The following TMEM132E variants were observed in gnomAD, a reference collection of about 807,000 sequenced individuals.
TMEM132E encodes the protein transmembrane protein 132E.
In TMEM132E, 49 loss-of-function variants were observed where a neutral mutation model predicts 78.5. That is an observed-to-expected ratio of 0.62 (90% CI 0.50 to 0.79). The LOEUF (loss-of-function observed/expected upper bound fraction) is 0.79. TMEM132E is among the 30% of genes least tolerant of loss of function. TMEM132E has a pLI of 0.00. For missense variants in TMEM132E, 1,403 were observed against 1,470.9 expected (o/e 0.95, Z 0.75); for synonymous variants, 715 against 670.6 (o/e 1.07, Z -1.02).
intron 1 of TMEM132E, among the ~76,000 whole-genome samples, chr17:34,610,835 A>G (rs551420032): frequency 5.9e-5 from 9 of 151,958 alleles, no homozygotes; most frequent in African/African-American, 2.2e-4. Context: ...ATTAATGAAA[A>G]CTCCTGAAAA....
intron 1 of TMEM132E, among the ~76,000 whole-genome samples, chr17:34,595,103 A>T (rs751899961): frequency 6.6e-6 from 1 of 152,214 alleles, no homozygotes; most frequent in Non-Finnish European, 1.5e-5. Context: ...CACTGCCAAA[A>T]TCTGTGTGAA....
rs182812547 is a variant in TMEM132E at position 34,608,607 on chromosome 17, C to T, written c.68-17520C>T. ...CCTTCCAAGTGGGACTGTACACTTACCCCACGTTGGAGTCTGCAAAGAACT... is the reference window on the plus strand; with the variant it reads ...CCTTCCAAGTGGGACTGTACACTTATCCCACGTTGGAGTCTGCAAAGAACT... On this transcript the variant is annotated intron_variant, in intron 1 of 8. Coordinates refer to ENST00000631683, the MANE Select transcript of TMEM132E (RefSeq NM_001304438.2). Among the ~76,000 whole-genome samples the T allele has an allele frequency of 4.6e-3, 706 of 152,310 alleles. 5 individuals carry two copies. The highest frequency in any genetic ancestry group is 8.8e-3 in the Admixed American group (134 of 15,298).
chr17:34,599,578 C>G (rs1906167092), intron 1 of TMEM132E, among the ~76,000 whole-genome samples: 1 of 152,198 alleles, frequency 6.6e-6, no homozygotes, highest in Admixed American at 6.5e-5. Flanking sequence ...CAGGGAAAGG[C>G]AACACTTTTG....
chr17:34,587,291 C>G (rs752840984), intron 1 of TMEM132E, among the ~76,000 whole-genome samples: 1 of 152,142 alleles, frequency 6.6e-6, no homozygotes, highest in Non-Finnish European at 1.5e-5. Context: ...CTGGAGCTGG[C>G]CAACCCTTAA....
intron 1 of TMEM132E, among the ~76,000 whole-genome samples, chr17:34,609,282 G>A (rs1906515248): frequency 6.6e-6 from 1 of 152,170 alleles, no homozygotes; most frequent in Non-Finnish European, 1.5e-5. Flanking sequence ...CTCAGGAAGG[G>A]TGTGGAATGT....
Position 34,584,453 on chromosome 17 carries a change from G to A in TMEM132E, c.67+3310G>A, listed in dbSNP as rs957263028. 5.3e-5 allele frequency among the ~76,000 whole-genome samples: 8 copies of A among 152,202 alleles called. No homozygotes were observed. The East Asian group carries it at 1.5e-3, about 29-fold the overall frequency. On this transcript the variant is annotated intron_variant, in intron 1 of 8. Coordinates refer to ENST00000631683, the MANE Select transcript of TMEM132E (RefSeq NM_001304438.2). ...TTCCATGACTTCTTTGGTACTTCATGCTACTTTTCTAGCACTTTTTCCTCA... is the reference window on the plus strand; with the variant it reads ...TTCCATGACTTCTTTGGTACTTCATACTACTTTTCTAGCACTTTTTCCTCA...
In TMEM132E at chr17:34,628,718, G is replaced by A. The variant is rs749640493; in HGVS notation, c.1145+9G>A. The A allele has an allele frequency of 3.4e-5, 53 of 1,578,498 alleles. No homozygotes were observed. The South Asian group carries it at 3.5e-4, about 11-fold the overall frequency. On this transcript the variant is annotated intron_variant, in intron 3 of 8. Transcript: ENST00000631683. ...ACACCCCTGCCCCCCAGGTGAGCCC[G>A]AGGTGGTGCATCTACCCACCTCTTC...
intron 1 of TMEM132E, among the ~76,000 whole-genome samples, chr17:34,589,407 G>A (rs188099455): frequency 4.8e-4 from 73 of 152,302 alleles, no homozygotes; most frequent in Middle Eastern, 3.4e-3. Flanking sequence ...GCCACATGCC[G>A]GCTGTTCTCA....
At chr17:34,613,517 C>T (rs939879394) in intron 1 of TMEM132E, among the ~76,000 whole-genome samples, 4 of 151,472 alleles carry the variant, frequency 2.6e-5, no homozygotes, top group African/African-American at 7.3e-5. Context: ...AGTCCCTAAG[C>T]CCCCCACTGC....
chr17:34,613,224 C>CGCGCGCGCGCGCGCGT (rs1567716050), intron 1 of TMEM132E, among the ~76,000 whole-genome samples: 1 of 151,420 alleles, frequency 6.6e-6, no homozygotes, highest in East Asian at 2.0e-4. Context: ...CGCGCGCGCG[C>CGCGCGCGCGCGCGCGT]GCGTTCTTAC....
At chr17:34,592,453 G>T (rs1027571765) in intron 1 of TMEM132E, among the ~76,000 whole-genome samples, 6 of 152,220 alleles carry the variant, frequency 3.9e-5, no homozygotes, top group Non-Finnish European at 7.3e-5. Context: ...AGCAGGTCTA[G>T]GGTTATAGGG....
At chr17:34,628,262 T>TG (rs1470690515) in intron 2 of TMEM132E, among the ~76,000 whole-genome samples, 2 of 152,174 alleles carry the variant, frequency 1.3e-5, no homozygotes, top group Non-Finnish European at 2.9e-5. Context: ...GAAAATGGAA[T>TG]GGGATGTGTG....
chr17:34,597,305 C>T (rs1372569234), intron 1 of TMEM132E, among the ~76,000 whole-genome samples: 2 of 151,622 alleles, frequency 1.3e-5, no homozygotes, highest in African/African-American at 4.8e-5. Context: ...GGGCAGGGCT[C>T]CAGGGGCACT....
At chr17:34,618,344 C>T (rs1478510356) in intron 1 of TMEM132E, among the ~76,000 whole-genome samples, 1 of 151,918 alleles carries the variant, frequency 6.6e-6, no homozygotes, top group African/African-American at 2.4e-5. Context: ...CTCAAGTGAT[C>T]CTCCTGTCTC....
chr17:34,593,866 A>G (rs1039993919), intron 1 of TMEM132E, among the ~76,000 whole-genome samples: 3 of 152,156 alleles, frequency 2.0e-5, no homozygotes, highest in Non-Finnish European at 4.4e-5. Flanking sequence ...TTTTCCCGAC[A>G]CTACTTCTTT....
intron 1 of TMEM132E, among the ~76,000 whole-genome samples, chr17:34,603,607 G>C (rs995463601): frequency 7.2e-5 from 11 of 152,176 alleles, no homozygotes; most frequent in Non-Finnish European, 1.6e-4. Context: ...ATGCTGAGTG[G>C]ACCTGGGTCT....
intron 1 of TMEM132E, among the ~76,000 whole-genome samples, chr17:34,600,321 A>G (rs1228254848): frequency 4.6e-5 from 7 of 152,176 alleles, no homozygotes; most frequent in Admixed American, 4.6e-4. Context: ...TACTGATAAT[A>G]TAGTCCCTGT....
chr17:34,599,639 A>AG (rs1906169803), intron 1 of TMEM132E, among the ~76,000 whole-genome samples: 1 of 144,652 alleles, frequency 6.9e-6, no homozygotes, highest in Non-Finnish European at 1.6e-5. Flanking sequence ...CACATTGAAG[A>AG]GTTTTTTATT....
intron 1 of TMEM132E, among the ~76,000 whole-genome samples, chr17:34,589,167 C>T (rs541960845): frequency 4.1e-4 from 63 of 152,306 alleles, no homozygotes; most frequent in Non-Finnish European, 7.5e-4. Flanking sequence ...TTGGCAAAGA[C>T]GTTAAGGAGG....
Sources: allele counts gnomAD v4.1 joint callset (sites outside exome capture counted in the v4.1 genomes callset), GRCh38; gene constraint gnomAD v4.1.1; transcripts MANE v1.5; gene names NCBI Gene and HGNC (gene_info 2026-07-23, HGNC 2026-07-21).